The following KLRG1 variants were observed in gnomAD, a reference collection of about 807,000 sequenced individuals.
KLRG1 encodes killer cell lectin-like receptor subfamily G member 1.
A neutral mutation model predicts 21.8 loss-of-function variants in KLRG1; 16 were observed. That is an observed-to-expected ratio of 0.73 (90% CI 0.50 to 1.11). The LOEUF (loss-of-function observed/expected upper bound fraction) is 1.11, where lower values mean the gene tolerates loss of function less well. Among genes scored for constraint, KLRG1 ranks in the 50% most tolerant of loss-of-function variants. KLRG1 has a pLI of 0.00. For synonymous variants in KLRG1, 69 were observed against 75.9 expected (o/e 0.91, Z 0.47); for missense variants, 173 against 218.3 (o/e 0.79, Z 1.31).
chr12:9,037,625 C>T, the KLRG1 span, among the ~76,000 whole-genome samples: 1 of 152,228 alleles, frequency 6.6e-6, no homozygotes. Context: ...ACTCACCACT[C>T]ACTGACTCAC....
the KLRG1 span, chr12:9,028,852 A>G: frequency 1.6e-6 from 1 of 641,688 alleles, no homozygotes; most frequent in South Asian, 1.4e-5. Flanking sequence ...CAAATCTTCC[A>G]TCCACTTGTG....
chr12:9,114,903 A>C, the KLRG1 span, among the ~76,000 whole-genome samples: 1 of 152,226 alleles, frequency 6.6e-6, no homozygotes, highest in African/African-American at 2.4e-5. Context: ...AGTATGATTC[A>C]TACATATTAG....
At chr12:9,011,359 C>T (rs909500757), downstream of KLRG1, among the ~76,000 whole-genome samples, 4 of 152,172 alleles carry the variant, frequency 2.6e-5, no homozygotes, top group Non-Finnish European at 4.4e-5. Flanking sequence ...AATTCTTGCA[C>T]CTTACCTAGT....
At chr12:8,968,027 A>C (rs188046473) in intron 1 of KLRG1, among the ~76,000 whole-genome samples, 59 of 152,246 alleles carry the variant, frequency 3.9e-4, no homozygotes, top group Admixed American at 2.1e-3. Context: ...AAAGATAAAT[A>C]ATAAGCAATA....
chr12:9,067,883 C>G, the KLRG1 span: 1 of 1,584,428 alleles, frequency 6.3e-7, no homozygotes, highest in Non-Finnish European at 8.6e-7. Context: ...ATTTGGGTCT[C>G]CATGAGCAGA....
the KLRG1 span, among the ~76,000 whole-genome samples, chr12:9,117,340 G>T: frequency 2.6e-5 from 4 of 152,220 alleles, no homozygotes; most frequent in Admixed American, 1.3e-4. Context: ...GATCCAGGAT[G>T]CAGGAAGACC....
intron 1 of KLRG1, among the ~76,000 whole-genome samples, chr12:8,983,106 TTC>T (rs1946782194): frequency 6.6e-6 from 1 of 152,200 alleles, no homozygotes; most frequent in South Asian, 2.1e-4. Context: ...CTGTTTTACT[TTC>T]TGTTTTTTTT....
chr12:9,146,626 C>T, the KLRG1 span, among the ~76,000 whole-genome samples: 1 of 148,598 alleles, frequency 6.7e-6, no homozygotes, highest in African/African-American at 2.4e-5. Flanking sequence ...TCCCATTCTT[C>T]ACAGACTAGT....
the KLRG1 span, among the ~76,000 whole-genome samples, chr12:9,170,630 G>C: frequency 6.6e-6 from 1 of 152,192 alleles, no homozygotes; most frequent in East Asian, 1.9e-4. This position sits in a 1 kb window ranked among gnomAD's most constrained non-coding sequence, Gnocchi z 4.6. Flanking sequence ...CATCTCTGTG[G>C]TTCTGAGGAC....
chr12:9,104,815 A>G, the KLRG1 span, among the ~76,000 whole-genome samples: 7 of 152,214 alleles, frequency 4.6e-5, no homozygotes, highest in Non-Finnish European at 8.8e-5. Flanking sequence ...TAATCTATTA[A>G]CTAAATTTAT....
At chr12:9,120,852 C>CGTGTGTGTGTGTGTGTGT in the KLRG1 span, among the ~76,000 whole-genome samples, 146 of 143,462 alleles carry the variant, frequency 1.0e-3, 1 homozygote, top group African/African-American at 3.4e-3. Flanking sequence ...ATCCCACTAA[C>CGTGTGTGTGTGTGTGTGT]GTGTGTGTGT....
the KLRG1 span, among the ~76,000 whole-genome samples, chr12:9,089,044 T>C: frequency 6.6e-6 from 1 of 152,246 alleles, no homozygotes; most frequent in Non-Finnish European, 1.5e-5. Context: ...TCAAATTACT[T>C]GGCCTTCCTA....
At chr12:9,068,985 A>T in the KLRG1 span, 1 of 549,496 alleles carries the variant, frequency 1.8e-6, no homozygotes, top group Non-Finnish European at 3.1e-6. Flanking sequence ...TTGTGCAGAA[A>T]TCTCTCAGAG....
chr12:9,105,987 A>C, the KLRG1 span, among the ~76,000 whole-genome samples: 2 of 152,190 alleles, frequency 1.3e-5, no homozygotes, highest in African/African-American at 4.8e-5. Context: ...GAAGGGGGGA[A>C]AACTCTACTA....
chr12:8,974,580 A>G (rs762691834), intron 1 of KLRG1, among the ~76,000 whole-genome samples: 7 of 152,166 alleles, frequency 4.6e-5, no homozygotes, highest in Non-Finnish European at 1.0e-4. Flanking sequence ...TACATTATGA[A>G]TGAATGTCAA....
chr12:8,979,142 G>A (rs1188855846), intron 1 of KLRG1, among the ~76,000 whole-genome samples: 1 of 151,534 alleles, frequency 6.6e-6, no homozygotes, highest in African/African-American at 2.4e-5. Flanking sequence ...AGCCTCCTGA[G>A]TAGCTGGGAT....
the KLRG1 span, among the ~76,000 whole-genome samples, chr12:9,178,581 TTCTA>T: frequency 1.3e-5 from 2 of 152,222 alleles, no homozygotes; most frequent in Non-Finnish European, 2.9e-5. Flanking sequence ...AGAACGAATC[TTCTA>T]TCTATCAAAT....
the KLRG1 span, chr12:9,127,972 G>T: frequency 1.2e-4 from 38 of 313,084 alleles, no homozygotes; most frequent in Non-Finnish European, 2.0e-4. Context: ...GACACCCGCC[G>T]CCTGGCTGCA....
At chr12:9,049,669 T>G in the KLRG1 span, among the ~76,000 whole-genome samples, 1 of 152,164 alleles carries the variant, frequency 6.6e-6, no homozygotes, top group African/African-American at 2.4e-5. Flanking sequence ...TATTTTTATT[T>G]TTTACGAGAT....
Sources: allele counts gnomAD v4.1 joint callset (sites outside exome capture counted in the v4.1 genomes callset), GRCh38; gene constraint gnomAD v4.1.1; non-coding constraint Gnocchi (gnomAD v3.1); transcripts MANE v1.5; gene names NCBI Gene and HGNC (gene_info 2026-07-23, HGNC 2026-07-21).